Variants in VPS13A observed in about 807,000 individuals in gnomAD.
VPS13A encodes the protein vacuolar protein sorting 13 homolog A.
Under a neutral mutation model 390.9 loss-of-function variants are expected in VPS13A, and 264 were observed. The ratio of observed to expected loss-of-function variants is 0.68; its 90% CI spans 0.61 to 0.75. The LOEUF is 0.75. Among genes scored for constraint, VPS13A ranks in the 30% least tolerant of loss-of-function variants. The pLI, the probability that VPS13A is intolerant of heterozygous loss-of-function variation, is 0.00. For synonymous variants in VPS13A, 1,231 were observed against 1,227.1 expected (o/e 1.00, Z -0.07); for missense variants, 3,409 against 3,733.9 (o/e 0.91, Z 2.27).
intron 43 of VPS13A, 82 bp downstream of exon 43, chr9:77,321,409 A>C: frequency 6.3e-7 from 1 of 1,582,604 alleles, no homozygotes; most frequent in South Asian, 1.1e-5. Flanking sequence ...TTAATAACTT[A>C]GTTGTCATTT....
chr9:77,291,059 G>C (rs556691631), intron 31 of VPS13A, among the ~76,000 whole-genome samples: 2 of 152,104 alleles, frequency 1.3e-5, no homozygotes, highest in Non-Finnish European at 2.9e-5. Context: ...GCTGTAGAAC[G>C]GTACCGGTCT....
intron 71 of VPS13A, among the ~76,000 whole-genome samples, chr9:77,414,740 T>TAATAATAAC (rs1554683526): frequency 5.9e-5 from 1 of 17,080 alleles, no homozygotes; most frequent in Non-Finnish European, 9.1e-5. Context: ...GAAGTATAAT[T>TAATAATAAC]AATAATAATA....
intron 32 of VPS13A, 42 bp downstream of exon 32, chr9:77,293,550 G>A: frequency 1.7e-6 from 2 of 1,181,082 alleles, no homozygotes; most frequent in Middle Eastern, 3.1e-4. Context: ...ATACTAATTG[G>A]AAATTGCTAT....
At chr9:77,181,844 G>A (rs1375643304) in intron 1 of VPS13A, among the ~76,000 whole-genome samples, 3 of 152,158 alleles carry the variant, frequency 2.0e-5, no homozygotes, top group Non-Finnish European at 2.9e-5. Flanking sequence ...GCAGAAGAGT[G>A]CTACTGTACT....
rs184437384 is a variant in VPS13A, at chr9:77,287,266, T to A, written c.3339+3616T>A. Among the ~76,000 whole-genome samples the A allele has an allele frequency of 2.7e-5, 4 of 150,584 alleles. No individual in the cohort carries two copies. The East Asian group carries it at 7.8e-4, about 29-fold the overall frequency. ...TCTCTCTCTGTCTCCAATCACACAATCACAGCTCACTGCAGCCTCGACCTT... is the reference window on the plus strand; with the variant it reads ...TCTCTCTCTGTCTCCAATCACACAAACACAGCTCACTGCAGCCTCGACCTT... On this transcript the variant is annotated intron_variant, in intron 31 of 71. Transcript: ENST00000360280.
At position 77,408,163 on chromosome 9, in the gene VPS13A, T is replaced by C. The variant is rs1183831331; in HGVS notation, c.9474+556T>C. Among the ~76,000 whole-genome samples the C allele has an allele frequency of 7.2e-5, 11 of 152,216 alleles. No homozygotes were observed. In the East Asian group the frequency reaches 1.9e-3, roughly 27 times the overall value. ...GAACTGAAAAGCATGGTGTGTACTT[T>C]AGGGATTATGGCAATCAATCACAAG... On this transcript the variant is annotated intron_variant, in intron 71 of 71. Transcript: ENST00000360280.
At chr9:77,353,216 A>G (rs1286359088) in intron 53 of VPS13A, among the ~76,000 whole-genome samples, 193 bp from the exon 54 acceptor site, 2 of 152,060 alleles carry the variant, frequency 1.3e-5, no homozygotes, top group African/African-American at 4.8e-5. Flanking sequence ...TTTATAACAG[A>G]TAACATCAAA....
chr9:77,296,983 G>T (rs576358770), intron 33 of VPS13A, among the ~76,000 whole-genome samples: 1 of 152,026 alleles, frequency 6.6e-6, no homozygotes, highest in Admixed American at 6.5e-5. Context: ...GTAATGATGT[G>T]TCCTCCCTCA....
rs145437802 is a variant in VPS13A, at chr9:77,293,553, A to G, written c.3507+45A>G. ...ATTATTTATTTTATACTAATTGGAA[A>G]TTGCTATATGTCAAATATGGATGAA... On this transcript the variant is annotated intron_variant, in intron 32 of 71. Transcript: ENST00000360280. 2.5e-4 allele frequency: 289 copies of G among 1,158,660 alleles called. 2 individuals carry two copies. In the East Asian group the frequency reaches 6.9e-3, roughly 28 times the overall value. 71.8% of individuals were successfully genotyped at this position (1,158,660 alleles called of 1,614,324 possible). A position where few individuals can be genotyped will look rare whatever the true frequency, so the allele number is the denominator to read the frequency against.
At chr9:77,404,624 A>C (rs1243533745) in intron 69 of VPS13A, among the ~76,000 whole-genome samples, 2 of 152,230 alleles carry the variant, frequency 1.3e-5, no homozygotes, top group African/African-American at 4.8e-5. Flanking sequence ...AACATTTTAA[A>C]AGTTATCTTT....
At chr9:77,195,327 T>C (rs1824926626) in intron 1 of VPS13A, among the ~76,000 whole-genome samples, 1 of 152,210 alleles carries the variant, frequency 6.6e-6, no homozygotes, top group Non-Finnish European at 1.5e-5. Context: ...AGTTTCACCA[T>C]GTTAGCCAGG....
At chr9:77,185,444 A>G (rs1824273731) in intron 1 of VPS13A, among the ~76,000 whole-genome samples, 1 of 152,124 alleles carries the variant, frequency 6.6e-6, no homozygotes, top group South Asian at 2.1e-4. Flanking sequence ...CCGGCTCGAT[A>G]TGACACCCTT....
At chr9:77,370,088 G>A (rs547395094) in intron 63 of VPS13A, among the ~76,000 whole-genome samples, 169 bp from the exon 64 acceptor site, 2 of 152,264 alleles carry the variant, frequency 1.3e-5, no homozygotes, top group East Asian at 3.9e-4. Context: ...TCAGCGTCCA[G>A]AAATATCCCT....
At chr9:77,337,899 G>T in intron 47 of VPS13A, 1 of 170,004 alleles carries the variant, frequency 5.9e-6, no homozygotes, top group Admixed American at 5.8e-5. Context: ...CATTTGCAGT[G>T]CTTATCAAAT....
chr9:77,185,373 C>T (rs1824269485), intron 1 of VPS13A, among the ~76,000 whole-genome samples: 1 of 152,150 alleles, frequency 6.6e-6, no homozygotes, highest in Non-Finnish European at 1.5e-5. Flanking sequence ...ATCTCTTGAC[C>T]TTGTGATCCA....
At chr9:77,289,241 C>T (rs904712517) in intron 31 of VPS13A, among the ~76,000 whole-genome samples, 2 of 152,082 alleles carry the variant, frequency 1.3e-5, no homozygotes, top group Admixed American at 6.5e-5. Context: ...AAATGGGTTT[C>T]TTACAGTCAG....
chr9:77,410,585 AGGGAT>A (rs1377687638), intron 71 of VPS13A, among the ~76,000 whole-genome samples: 2 of 152,244 alleles, frequency 1.3e-5, no homozygotes, highest in Non-Finnish European at 2.9e-5. Context: ...CTCAAAATAA[AGGGAT>A]GGAGGAAGAT....
At chr9:77,412,327 T>C (rs1231509524) in intron 71 of VPS13A, among the ~76,000 whole-genome samples, 4 of 152,192 alleles carry the variant, frequency 2.6e-5, no homozygotes, top group South Asian at 4.1e-4. Flanking sequence ...CTGATGAACA[T>C]TGATGCAAAA....
intron 25 of VPS13A, among the ~76,000 whole-genome samples, 156 bp downstream of exon 25, chr9:77,275,808 C>A (rs1826630176): frequency 6.7e-6 from 1 of 149,476 alleles, no homozygotes; most frequent in Admixed American, 6.7e-5. Context: ...TCCCCGCCCC[C>A]CCCTTTTTTT....
Sources: gnomAD v4.1 joint callset for allele counts (sites outside exome capture counted in the v4.1 genomes callset) on GRCh38, gnomAD v4.1.1 for gene constraint, MANE v1.5 for transcripts, NCBI Gene and HGNC (gene_info 2026-07-23, HGNC 2026-07-21) for gene names.